UBASH3B: variants seen among roughly 807,000 people sequenced by gnomAD.
The protein encoded by UBASH3B is ubiquitin associated and SH3 domain containing B, also known as ubiquitin-associated and SH3 domain-containing protein B.
A neutral mutation model predicts 83.4 loss-of-function variants in UBASH3B; 37 were observed. That is an observed-to-expected ratio of 0.44 (90% CI 0.34 to 0.58). The LOEUF is 0.58. Among genes scored for constraint, UBASH3B ranks in the 20% least tolerant of loss-of-function variants. The pLI is 0.01. For missense variants in UBASH3B, 657 were observed against 827.2 expected, an observed-to-expected ratio of 0.79 and a Z score of 2.52; for synonymous variants, 304 against 318.3, an observed-to-expected ratio of 0.96 and a Z score of 0.48.
At chr11:122,721,425 T>C (rs1007953401) in intron 1 of UBASH3B, among the ~76,000 whole-genome samples, 1 of 152,022 alleles carries the variant, frequency 6.6e-6, no homozygotes, top group African/African-American at 2.4e-5. Flanking sequence ...AAATCTTTTT[T>C]GCTATAAATT....
intron 5 of UBASH3B, among the ~76,000 whole-genome samples, chr11:122,784,186 G>A (rs575401309): frequency 2.4e-4 from 36 of 152,138 alleles, no homozygotes; most frequent in African/African-American, 7.2e-4. Context: ...TGCACGCCTC[G>A]GTGTCTCAAA....
At chr11:122,680,430 A>G (rs1366667333) in intron 1 of UBASH3B, among the ~76,000 whole-genome samples, 6 of 152,314 alleles carry the variant, frequency 3.9e-5, no homozygotes, top group East Asian at 1.9e-4. Flanking sequence ...TAGGACTTCA[A>G]TGCAGGTCTG....
At chr11:122,689,875 TGAG>T (rs974391565) in intron 1 of UBASH3B, among the ~76,000 whole-genome samples, 11 of 152,092 alleles carry the variant, frequency 7.2e-5, no homozygotes, top group African/African-American at 2.4e-4. Context: ...AGGATATAGT[TGAG>T]GAGATGTGTA....
At chr11:122,789,016 A>T in intron 5 of UBASH3B, 84 bp from the exon 6 acceptor site, 2 of 1,282,724 alleles carry the variant, frequency 1.6e-6, no homozygotes, top group Non-Finnish European at 2.2e-6. Context: ...GTGCAGTATT[A>T]ATGCAGAACA....
chr11:122,788,829 C>T (rs1401315224), intron 5 of UBASH3B, among the ~76,000 whole-genome samples: 5 of 152,214 alleles, frequency 3.3e-5, no homozygotes, highest in South Asian at 4.1e-4. Context: ...TTTCCAAAAA[C>T]GATACTTGAA....
intron 1 of UBASH3B, among the ~76,000 whole-genome samples, chr11:122,748,310 A>G (rs533022090): frequency 6.6e-6 from 1 of 152,298 alleles, no homozygotes; most frequent in Admixed American, 6.5e-5. Context: ...GGAAATTATC[A>G]ACATTCACAA....
intron 1 of UBASH3B, among the ~76,000 whole-genome samples, chr11:122,710,734 G>A (rs1591780463): frequency 6.6e-6 from 1 of 152,096 alleles, no homozygotes; most frequent in African/African-American, 2.4e-5. Context: ...AGGGGGACGG[G>A]GCATGTAGAA....
At chr11:122,688,213 A>T (rs1417537995) in intron 1 of UBASH3B, among the ~76,000 whole-genome samples, 1 of 151,514 alleles carries the variant, frequency 6.6e-6, no homozygotes, top group East Asian at 1.9e-4. Flanking sequence ...ACCGAGAGGG[A>T]TGGGAGTTTG....
At chr11:122,696,281 C>T (rs868786206) in intron 1 of UBASH3B, among the ~76,000 whole-genome samples, 4 of 151,316 alleles carry the variant, frequency 2.6e-5, no homozygotes, top group Non-Finnish European at 4.4e-5. Flanking sequence ...GGTAATAAGC[C>T]GGCAGGATTT....
At chr11:122,667,034 ATTCTT>A (rs1863528691) in intron 1 of UBASH3B, among the ~76,000 whole-genome samples, 1 of 134,808 alleles carries the variant, frequency 7.4e-6, no homozygotes, top group African/African-American at 2.8e-5. Context: ...TGATAATGGC[ATTCTT>A]TTTTTTTTTT....
chr11:122,797,454 A>G (rs897124951), intron 9 of UBASH3B, among the ~76,000 whole-genome samples: 7 of 152,178 alleles, frequency 4.6e-5, no homozygotes, highest in African/African-American at 1.4e-4. Context: ...AGCCCATTCC[A>G]TTACTGGCAC....
intron 1 of UBASH3B, among the ~76,000 whole-genome samples, chr11:122,704,824 A>T (rs1591777626): frequency 6.6e-6 from 1 of 151,822 alleles, no homozygotes; most frequent in East Asian, 1.9e-4. Context: ...TTTTTTTTTT[A>T]ATAGAAAACT....
intron 1 of UBASH3B, among the ~76,000 whole-genome samples, chr11:122,762,994 A>G (rs976563828): frequency 1.3e-5 from 2 of 152,230 alleles, no homozygotes; most frequent in Non-Finnish European, 2.9e-5. Context: ...TGTGATATTA[A>G]TCATTATTCT....
rs531983646 is a variant in UBASH3B, at chr11:122,758,533, C to A, written c.162-17686C>A. Among the ~76,000 whole-genome samples, 12 of 152,298 alleles carry A rather than the reference C, an allele frequency of 7.9e-5. No homozygotes were observed. In the South Asian group the frequency reaches 2.5e-3, roughly 32 times the overall value. ...GTCAGTGGTGGGGGCGGAGGGGGCA[C>A]CCAGTGGCCGTAGAACACCGACCCT... On this transcript the variant is annotated intron_variant, in intron 1 of 13. Coordinates refer to ENST00000284273, the MANE Select transcript of UBASH3B (RefSeq NM_032873.5). The surrounding 1 kb of genome is among the most constrained non-coding windows in gnomAD (Gnocchi z 4.2).
At chr11:122,691,030 C>T (rs989566592) in intron 1 of UBASH3B, among the ~76,000 whole-genome samples, 7 of 152,164 alleles carry the variant, frequency 4.6e-5, no homozygotes, top group Non-Finnish European at 8.8e-5. Context: ...CCGGGTCTTC[C>T]GGACTCCTCC....
intron 1 of UBASH3B, among the ~76,000 whole-genome samples, chr11:122,739,787 G>A (rs1394014297): frequency 6.6e-6 from 1 of 152,148 alleles, no homozygotes; most frequent in Non-Finnish European, 1.5e-5. Flanking sequence ...TTGGGGCTGG[G>A]CAGTGGTTCA....
At chr11:122,673,111 A>G (rs1286905611) in intron 1 of UBASH3B, among the ~76,000 whole-genome samples, 1 of 152,200 alleles carries the variant, frequency 6.6e-6, no homozygotes, top group Non-Finnish European at 1.5e-5. Context: ...GGCACGTGAC[A>G]GTGAGTTGTG....
At chr11:122,799,552 T>C (rs1026589486) in intron 10 of UBASH3B, among the ~76,000 whole-genome samples, 1 of 152,138 alleles carries the variant, frequency 6.6e-6, no homozygotes, top group Admixed American at 6.5e-5. Context: ...AATGTTTTCC[T>C]TGAGAATTTA....
At chr11:122,740,987 A>G (rs1418762653) in intron 1 of UBASH3B, among the ~76,000 whole-genome samples, 3 of 152,318 alleles carry the variant, frequency 2.0e-5, no homozygotes, top group East Asian at 3.9e-4. Flanking sequence ...GTTCGCAGGG[A>G]TTTTGATTCC....
Sources: gnomAD v4.1 joint callset for allele counts (sites outside exome capture counted in the v4.1 genomes callset) on GRCh38, gnomAD v4.1.1 for gene constraint, Gnocchi (gnomAD v3.1) non-coding constraint, MANE v1.5 for transcripts, NCBI Gene and HGNC (gene_info 2026-07-23, HGNC 2026-07-21) for gene names.